Variants in CCDC7 observed in about 807,000 individuals in gnomAD.
The protein encoded by CCDC7 is coiled-coil domain-containing protein 7.
A neutral mutation model predicts 196.9 loss-of-function variants in CCDC7; 183 were observed. That is an observed-to-expected ratio of 0.93 (90% CI 0.82 to 1.05). The LOEUF (loss-of-function observed/expected upper bound fraction) is 1.05, where lower values mean the gene tolerates loss of function less well. Ranked by LOEUF, CCDC7 falls within the 50% of genes least tolerant of loss-of-function variation. The pLI, the probability that CCDC7 is intolerant of heterozygous loss-of-function variation, is 0.00. For missense variants in CCDC7, 1,540 were observed against 1,482.2 expected, an observed-to-expected ratio of 1.04 and a Z score of -0.64; for synonymous variants, 525 against 484.6, an observed-to-expected ratio of 1.08 and a Z score of -1.10.
exon 30 of CCDC7, chr10:32,805,018 C>T (rs368624786): frequency 5.6e-5 from 90 of 1,594,508 alleles, no homozygotes; most frequent in Non-Finnish European, 4.3e-5. Flanking sequence ...TCTATAGAGA[C>T]TGATATAGAA....
exon 25 of CCDC7, chr10:32,711,721 G>C: frequency 6.5e-7 from 1 of 1,549,374 alleles, no homozygotes; most frequent in East Asian, 2.3e-5. Context: ...TGAAGGAGAA[G>C]GACGTAGCAG....
chr10:32,804,747 G>T (rs185321750), intron 29 of CCDC7, among the ~76,000 whole-genome samples: 1 of 152,208 alleles, frequency 6.6e-6, no homozygotes, highest in Admixed American at 6.5e-5. Context: ...ATCAGGTTGT[G>T]CAACAACTTT....
At chr10:32,595,972 C>T (rs2060299451) in intron 18 of CCDC7, among the ~76,000 whole-genome samples, 1 of 152,088 alleles carries the variant, frequency 6.6e-6, no homozygotes, top group East Asian at 1.9e-4. Context: ...ACTATGTGGT[C>T]AATTTTGGAA....
chr10:32,692,434 G>T (rs1019515234), intron 23 of CCDC7, among the ~76,000 whole-genome samples: 24 of 152,176 alleles, frequency 1.6e-4, no homozygotes, highest in African/African-American at 5.8e-4. Context: ...CTAGAAAACC[G>T]CATGGTGTCT....
chr10:32,676,395 T>C (rs969511142), intron 21 of CCDC7, among the ~76,000 whole-genome samples: 9 of 151,798 alleles, frequency 5.9e-5, no homozygotes, highest in African/African-American at 2.2e-4. Context: ...GAAGAGCTTC[T>C]GTACAGCAAA....
intron 16 of CCDC7, among the ~76,000 whole-genome samples, chr10:32,578,652 G>C (rs1213789375): frequency 6.6e-6 from 1 of 151,932 alleles, no homozygotes; most frequent in African/African-American, 2.4e-5. Flanking sequence ...AGCTCAGGTG[G>C]TAATGCAAGC....
chr10:32,636,377 C>T (rs995745362), intron 20 of CCDC7, among the ~76,000 whole-genome samples: 1 of 152,134 alleles, frequency 6.6e-6, no homozygotes, highest in Non-Finnish European at 1.5e-5. Flanking sequence ...TATCCCTCCC[C>T]CTACCCCCAC....
chr10:32,568,830 G>A (rs546730724), intron 15 of CCDC7, among the ~76,000 whole-genome samples: 8 of 152,250 alleles, frequency 5.3e-5, no homozygotes, highest in African/African-American at 1.2e-4. Context: ...TAGCCATGCC[G>A]CATTACAGTG....
rs867885481 is a variant in CCDC7 at position 32,563,861 on chromosome 10, G to A, written c.1135-1697G>A. Among the ~76,000 whole-genome samples, 146 of 151,808 alleles carry A rather than the reference G, an allele frequency of 9.6e-4. 3 individuals are homozygous for A. The Middle Eastern group carries it at 0.014, about 14-fold the overall frequency. On this transcript the variant is annotated intron_variant, in intron 13 of 41. Transcript: ENST00000639629. ...AAGAAACTACCATCAGAGTGAACAG[G>A]CAACCTACAAAATGGGAGAAAATTT... is the stretch of plus-strand genomic sequence containing the variant.
At chr10:32,572,866 CTTTTTTTTTTTT>C (rs576270039) in intron 16 of CCDC7, among the ~76,000 whole-genome samples, 20 of 90,354 alleles carry the variant, frequency 2.2e-4, no homozygotes, top group African/African-American at 7.2e-4. Context: ...AAGCATGGTG[CTTTTTTTTTTTT>C]TTTTTTTTTT....
At chr10:32,465,485 C>T (rs9971245) in intron 5 of CCDC7, among the ~76,000 whole-genome samples, 15,872 of 148,140 alleles carry the variant, frequency 0.11, 1,033 homozygotes, top group South Asian at 0.25. Flanking sequence ...TATTATTGAT[C>T]GTGCCCTCAT....
At chr10:32,848,263 AGAC>A (rs775019776) in intron 38 of CCDC7, among the ~76,000 whole-genome samples, 218 of 152,206 alleles carry the variant, frequency 1.4e-3, no homozygotes, top group Non-Finnish European at 2.1e-3. Flanking sequence ...GCTTATACAT[AGAC>A]TTCTGACCTC....
At chr10:32,667,833 G>T in intron 21 of CCDC7, among the ~76,000 whole-genome samples, 1 of 152,092 alleles carries the variant, frequency 6.6e-6, no homozygotes, top group Non-Finnish European at 1.5e-5. Context: ...TTTGGCTTAG[G>T]ATTGACTTGG....
At chr10:32,844,934 AT>A (rs2093191548) in intron 33 of CCDC7, among the ~76,000 whole-genome samples, 1 of 151,844 alleles carries the variant, frequency 6.6e-6, no homozygotes, top group Non-Finnish European at 1.5e-5. Context: ...AATCTGCTTT[AT>A]TTCTATAGAG....
rs183615263 is a variant in CCDC7, at chr10:32,872,970, A to G, written c.4112-3377A>G. On this transcript the variant is annotated intron_variant, in intron 41 of 41. Coordinates refer to ENST00000639629, the Ensembl canonical transcript of CCDC7. ...GTGTTTCTCTCTGGCTGCCCTTAACATTTTTTCCTTCATTTCAACTTTGGT... is the reference window on the plus strand; with the variant it reads ...GTGTTTCTCTCTGGCTGCCCTTAACGTTTTTTCCTTCATTTCAACTTTGGT... Among the ~76,000 whole-genome samples, 518 of 151,844 alleles carry G rather than the reference A, an allele frequency of 3.4e-3. 4 individuals are homozygous for G. The highest frequency in any genetic ancestry group is 4.4e-3 in the Non-Finnish European group (300 of 67,948).
At chr10:32,758,293 A>C (rs544056197) in intron 28 of CCDC7, among the ~76,000 whole-genome samples, 139 of 152,310 alleles carry the variant, frequency 9.1e-4, no homozygotes, top group African/African-American at 3.1e-3. Flanking sequence ...CAGAGACACA[A>C]CAAAAAAAGA....
chr10:32,513,942 A>G (rs945854463), intron 9 of CCDC7: 5 of 152,184 alleles, frequency 3.3e-5, no homozygotes, highest in African/African-American at 1.2e-4. Context: ...ACAAGACAAG[A>G]CATTCACTTC....
At chr10:32,588,936 G>A (rs2370790) in intron 18 of CCDC7, among the ~76,000 whole-genome samples, 149,840 of 152,246 alleles carry the variant, frequency 0.98, 73,777 homozygotes, top group Middle Eastern at 1. Flanking sequence ...TGATACTGGC[G>A]TATAATGTGT....
At chr10:32,756,571 C>G (rs1233795383) in intron 28 of CCDC7, among the ~76,000 whole-genome samples, 1 of 152,128 alleles carries the variant, frequency 6.6e-6, no homozygotes, top group Non-Finnish European at 1.5e-5. Flanking sequence ...TTGTCACCAC[C>G]AGGCCTGCCT....
Sources: allele counts gnomAD v4.1 joint callset (sites outside exome capture counted in the v4.1 genomes callset), GRCh38; gene constraint gnomAD v4.1.1; transcripts MANE v1.5; gene names NCBI Gene and HGNC (gene_info 2026-07-23, HGNC 2026-07-21).